Variants in TBK1 observed in about 807,000 individuals in gnomAD.
TBK1 encodes TANK binding kinase 1, also known as serine/threonine-protein kinase TBK1.
TBK1 carries 37 observed loss-of-function variants against 99.9 expected under a neutral mutation model. That is an observed-to-expected ratio of 0.37 (90% confidence interval 0.28 to 0.49). TBK1 has a LOEUF of 0.49. Ranked by LOEUF, TBK1 falls within the 20% of genes least tolerant of loss-of-function variation. TBK1 has a pLI of 0.98. For synonymous variants in TBK1, 258 were observed against 279.8 expected (o/e 0.92, Z 0.78); for missense variants, 644 against 872.5 (o/e 0.74, Z 3.30).
At chr12:64,453,745 T>C (rs1411830581) in intron 1 of TBK1, among the ~76,000 whole-genome samples, 1 of 152,236 alleles carries the variant, frequency 6.6e-6, no homozygotes, top group Non-Finnish European at 1.5e-5. Context: ...ATGGTGGGAC[T>C]AGTGTTTATG....
In TBK1 at chr12:64,464,318, T is replaced by A; in HGVS notation, c.229-16T>A. ...ATTTTTTATGTTGATTCCCAATCAA[T>A]GATTTTTTTTTTCAGACAACAACAA... On this transcript the variant is annotated splice_polypyrimidine_tract_variant and intron_variant, in intron 3 of 20. Transcript: ENST00000331710. The A allele has an allele frequency of 7.5e-7, 1 of 1,339,396 alleles. No individual in the cohort carries two copies. Among genetic ancestry groups the A allele is most frequent in the Non-Finnish European group, 9.9e-7 (1 of 1,010,492 alleles). 83.0% of individuals were successfully genotyped at this position (1,339,396 alleles called of 1,614,324 possible).
intron 13 of TBK1, among the ~76,000 whole-genome samples, chr12:64,492,667 A>T (rs1001802777): frequency 1.3e-5 from 2 of 152,136 alleles, no homozygotes; most frequent in African/African-American, 4.8e-5. Context: ...ATGGAGTCTT[A>T]TGACATCAGG....
chr12:64,489,806 A>G (rs1045852240), intron 12 of TBK1, among the ~76,000 whole-genome samples: 1 of 149,094 alleles, frequency 6.7e-6, no homozygotes, highest in Non-Finnish European at 1.5e-5. Context: ...TCCATCTCCT[A>G]ACTTCGTGAT....
At chr12:64,454,612 TG>T (rs1463874526) in intron 1 of TBK1, among the ~76,000 whole-genome samples, 1 of 151,614 alleles carries the variant, frequency 6.6e-6, no homozygotes, top group Non-Finnish European at 1.5e-5. Flanking sequence ...CATTGGTTAA[TG>T]TTTTTTTTTT....
intron 6 of TBK1, among the ~76,000 whole-genome samples, chr12:64,475,857 T>C (rs1408416738): frequency 6.6e-6 from 1 of 152,160 alleles, no homozygotes; most frequent in African/African-American, 2.4e-5. Context: ...TAGGATGATT[T>C]ATTTTTCTTT....
chr12:64,457,657 GA>G (rs2040503758), intron 2 of TBK1, among the ~76,000 whole-genome samples: 1 of 152,186 alleles, frequency 6.6e-6, no homozygotes, highest in African/African-American at 2.4e-5. Flanking sequence ...TGGGATGAGA[GA>G]TAGTCAATAG....
rs1044387018 is a variant in TBK1, at chr12:64,501,389, A to G, written c.*8A>G. On this transcript the variant is annotated 3_prime_UTR_variant, in exon 21 of 21. Transcript: ENST00000331710. Reference sequence around the variant, plus strand: ...AACGTTGACTGTCTTTAGCTTTCTAATAGAAGTTTAAGAAAAGTTTCCGTT... The same window carrying G: ...AACGTTGACTGTCTTTAGCTTTCTAGTAGAAGTTTAAGAAAAGTTTCCGTT... 15 of 1,612,714 alleles carry G rather than the reference A, an allele frequency of 9.3e-6. No homozygotes were observed. Among genetic ancestry groups the G allele is most frequent in the Non-Finnish European group, 1.2e-5 (14 of 1,179,720 alleles).
At position 64,466,938 on chromosome 12, in the gene TBK1, G is replaced by C. The variant is rs2040611533; in HGVS notation, c.396G>C (p.Val132=). ...ATCATCTACGAGAGAATGGTATAGT[G>C]CACCGTGATATCAAGCCAGGAAATA... ...GMNHLRENGI[V]HRDIKPGNIM... The change falls in exon 5 of 21, where the codon GTG becomes GTC. Residue 132 remains valine, a synonymous_variant. Transcript: ENST00000331710. 4 of 1,611,410 alleles carry C rather than the reference G, an allele frequency of 2.5e-6. No individual in the cohort carries two copies. Among genetic ancestry groups the C allele is most frequent in the Non-Finnish European group, 3.4e-6 (4 of 1,178,814 alleles).
chr12:64,460,405 T>G, intron 3 of TBK1, 76 bp downstream of exon 3: 1 of 1,232,488 alleles, frequency 8.1e-7, no homozygotes, highest in Non-Finnish European at 1.1e-6. Context: ...AAAAAATGGA[T>G]TTTTTAAAAA....
At chr12:64,458,504 G>GAT (rs2040513547) in intron 2 of TBK1, among the ~76,000 whole-genome samples, 1 of 103,990 alleles carries the variant, frequency 9.6e-6, no homozygotes, top group Non-Finnish European at 2.2e-5. Flanking sequence ...TGCACATATG[G>GAT]ATATATACAT....
chr12:64,463,906 C>G (rs371577218), intron 3 of TBK1, among the ~76,000 whole-genome samples: 1 of 151,294 alleles, frequency 6.6e-6, no homozygotes, highest in South Asian at 2.1e-4. Flanking sequence ...GCTCTGTCAC[C>G]AGGCTGGACT....
chr12:64,492,732 T>C (rs2040882112), intron 13 of TBK1, among the ~76,000 whole-genome samples: 1 of 134,600 alleles, frequency 7.4e-6, no homozygotes, highest in Non-Finnish European at 1.5e-5. Flanking sequence ...TCTCTTTTTC[T>C]TTTTTTTTTG....
chr12:64,469,444 C>T (rs1202394794), intron 5 of TBK1, among the ~76,000 whole-genome samples: 1 of 152,164 alleles, frequency 6.6e-6, no homozygotes, highest in Non-Finnish European at 1.5e-5. Context: ...TGGGCCTCAA[C>T]ATGTGACTGA....
Position 64,501,357 on chromosome 12 carries a change from C to T in TBK1, c.2166C>T (p.Gly722=), listed in dbSNP as rs1469317116. ...TTGGCTCTTTAACCATGGATGGTGG[C>T]CTTCGCAACGTTGACTGTCTTTAGC... is the stretch of plus-strand genomic sequence containing the variant. ...ERFGSLTMDG[G]LRNVDCL Residue 722 remains glycine (G), a synonymous_variant, in exon 21 of 21, where the codon GGC becomes GGT. Transcript: ENST00000331710. The T allele has an allele frequency of 6.2e-7, 1 of 1,613,852 alleles. No homozygotes were observed. Among genetic ancestry groups the T allele is most frequent in the Non-Finnish European group, 8.5e-7 (1 of 1,179,928 alleles).
In TBK1 at chr12:64,494,559, GT is replaced by G. The variant is rs1397994926; in HGVS notation, c.1522-918del. Among the ~76,000 whole-genome samples, 3 of 152,050 alleles carry G rather than the reference GT, an allele frequency of 2.0e-5. No homozygotes were observed. The East Asian group carries it at 5.8e-4, about 29-fold the overall frequency. On this transcript the variant is annotated intron_variant, in intron 13 of 20. Transcript: ENST00000331710. ...ATAAGTTGGGAAAATGTGATAAAGGGTTTTTTATAAAAAATAACTCATACAA... is the reference window on the plus strand; with the variant it reads ...ATAAGTTGGGAAAATGTGATAAAGGGTTTTTATAAAAAATAACTCATACAA...
At chr12:64,495,883 TTTTTCAGAGATGTGA>T in intron 15 of TBK1, 108 bp downstream of exon 15, 1 of 804,610 alleles carries the variant, frequency 1.2e-6, no homozygotes, top group Non-Finnish European at 1.8e-6. Flanking sequence ...TTAAGCTGTT[TTTTTCAGAGATGTGA>T]TTCTGTCAGG....
At chr12:64,471,111 A>G (rs2040657282) in intron 5 of TBK1, among the ~76,000 whole-genome samples, 1 of 152,100 alleles carries the variant, frequency 6.6e-6, no homozygotes. Context: ...CCATATGTTA[A>G]ATTCTCTCTC....
In TBK1 at chr12:64,456,079, A is replaced by G. The variant is rs896173994; in HGVS notation, c.87+122A>G. ...TCCCTTTGTCTGAAGAAATTGTTTT[A>G]ATGATTTTCGTGGTCATTTAAGGCA... On this transcript the variant is annotated intron_variant, in intron 2 of 20. Transcript: ENST00000331710. 34 of 766,076 alleles carry G rather than the reference A, an allele frequency of 4.4e-5. No individual in the cohort carries two copies. The African/African-American group carries it at 5.1e-4, about 12-fold the overall frequency. 47.5% of individuals were successfully genotyped at this position (766,076 alleles called of 1,614,324 possible).
intron 5 of TBK1, among the ~76,000 whole-genome samples, chr12:64,470,596 T>C (rs1030427673): frequency 1.3e-5 from 2 of 152,234 alleles, no homozygotes; most frequent in Admixed American, 6.5e-5. Flanking sequence ...TACTTTGTTA[T>C]ATATAAAATG....
Sources: allele counts gnomAD v4.1 joint callset (sites outside exome capture counted in the v4.1 genomes callset), GRCh38; gene constraint gnomAD v4.1.1; transcripts MANE v1.5; gene names NCBI Gene and HGNC (gene_info 2026-07-23, HGNC 2026-07-21).